The following DROSHA variants were observed in gnomAD, a reference collection of about 807,000 sequenced individuals.
The protein encoded by DROSHA is ribonuclease 3.
In DROSHA, 56 loss-of-function variants were observed where a neutral mutation model predicts 181.9. The observed-to-expected ratio is 0.31, with a 90% CI of 0.25 to 0.38. The LOEUF (loss-of-function observed/expected upper bound fraction) is 0.38, where lower values mean the gene tolerates loss of function less well. DROSHA is among the 10% of genes least tolerant of loss of function. DROSHA has a pLI of 1.00. For missense variants in DROSHA, 1,218 were observed against 1,743.5 expected, an observed-to-expected ratio of 0.70 and a Z score of 5.37; for synonymous variants, 524 against 591.2, an observed-to-expected ratio of 0.89 and a Z score of 1.65.
At chr5:31,426,537 G>C (rs142749048) in intron 27 of DROSHA, among the ~76,000 whole-genome samples, 99 of 152,252 alleles carry the variant, frequency 6.5e-4, no homozygotes, top group Non-Finnish European at 1.2e-3. Flanking sequence ...CTTCAAAGAG[G>C]AGATGATTCT....
chr5:31,498,531 G>A (rs1753244601), intron 11 of DROSHA, among the ~76,000 whole-genome samples: 1 of 152,190 alleles, frequency 6.6e-6, no homozygotes, highest in South Asian at 2.1e-4. Context: ...AAGCATGAGA[G>A]GTGGTGGAAC....
chr5:31,421,331 G>C lies in DROSHA; in HGVS notation c.3466C>G (p.Leu1156Val). 1 of 1,613,702 alleles carries C rather than the reference G, an allele frequency of 6.2e-7. No homozygotes were observed. The highest frequency in any genetic ancestry group is 1.1e-5 in the South Asian group (1 of 91,074). The change falls in exon 30 of 36, where the codon CTG (leucine) becomes GTG (valine). Residue 1156 changes from leucine (L) to valine (V), a missense_variant. By Grantham distance (32) the Leu-to-Val change is conservative. This residue lies in a region of DROSHA where 23 missense variants were observed against 90.6 expected (regional missense o/e 0.25). Transcript: ENST00000344624. ...ATGAATAAGTACTCTGTGGCTACCA[G>C]TTGCATTATGGAGTCACCTAGGAAT... ...MEFLGDSIMQ[L>V]VATEYLFIHF... is the part of the protein sequence containing the mutation.
rs1739076292 is a variant in DROSHA at position 31,514,629 on chromosome 5, A to G, written c.1290+359T>C. ...CACTGCACTCCAGCCTGGGTGACAG[A>G]GCGAGACCCTGTCTCAAAAATAAAT... On this transcript the variant is annotated intron_variant, in intron 8 of 35. Coordinates refer to ENST00000344624, the MANE Select transcript of DROSHA (RefSeq NM_001382508.1). The surrounding 1 kb of genome is among the most constrained non-coding windows in gnomAD (Gnocchi z 4.4). Among the ~76,000 whole-genome samples the G allele has an allele frequency of 6.6e-6, 1 of 152,202 alleles. No homozygotes were observed. The highest frequency in any genetic ancestry group is 1.5e-5 in the Non-Finnish European group (1 of 68,038).
chr5:31,480,156 C>A (rs1229510980), intron 16 of DROSHA, among the ~76,000 whole-genome samples: 1 of 93,226 alleles, frequency 1.1e-5, no homozygotes, highest in Non-Finnish European at 2.6e-5. Context: ...GTCTTTTGCC[C>A]GTTTTTCTAT....
intron 9 of DROSHA, among the ~76,000 whole-genome samples, chr5:31,509,130 TG>T (rs762667310): frequency 1.4e-4 from 22 of 152,104 alleles, no homozygotes; most frequent in Non-Finnish European, 2.4e-4. Context: ...GCTGACAAAC[TG>T]GTTTTTGTGG....
intron 5 of DROSHA, among the ~76,000 whole-genome samples, chr5:31,525,090 G>C (rs1440874267): frequency 6.6e-6 from 1 of 151,994 alleles, no homozygotes; most frequent in Non-Finnish European, 1.5e-5. Context: ...CAGCACTTTG[G>C]GAGGCCGAGG....
In DROSHA at chr5:31,526,920, G is replaced by A; in HGVS notation, c.21-8C>T. On this transcript the variant is annotated splice_region_variant and splice_polypyrimidine_tract_variant and intron_variant, in intron 4 of 35. Transcript: ENST00000344624. ...TGGAACGACATTCTGTGACTTCATG[G>A]CAGAAAAGAAAAAGGGAAAAGTTTT... 2 of 1,603,792 alleles carry A rather than the reference G, an allele frequency of 1.2e-6. No individual in the cohort carries two copies. Among genetic ancestry groups the A allele is most frequent in the Non-Finnish European group, 1.7e-6 (2 of 1,177,204 alleles).
chr5:31,435,803 C>T lies in DROSHA; in HGVS notation c.3004G>A (p.Ala1002Thr). 1 of 1,613,804 alleles carries T rather than the reference C, an allele frequency of 6.2e-7. No individual in the cohort carries two copies. Among genetic ancestry groups the T allele is most frequent in the Non-Finnish European group, 8.5e-7 (1 of 1,179,812 alleles). Reference protein sequence around the residue: ...EEGGLATYRTAIVQNQHLAML... With the variant: ...EEGGLATYRTTIVQNQHLAML... The stretch of plus-strand genomic sequence containing the variant: ...GCAAGGTGCTGATTCTGAACAATGG[C>T]AGTCCGATAGGTTGCTAATCCTCCT... Residue 1002 changes from alanine to threonine, a missense_variant, in exon 25 of 36, where the codon GCC becomes ACC. Transcript: ENST00000344624.
chr5:31,511,013 C>T, intron 9 of DROSHA, 22 bp downstream of exon 9: 1 of 1,613,302 alleles, frequency 6.2e-7, no homozygotes. Flanking sequence ...GGGTCTCAGG[C>T]TAGTTAGTGA....
In DROSHA at chr5:31,451,418, T is replaced by G. The variant is rs953510441; in HGVS notation, c.2682+115A>C. Reference sequence around the variant, plus strand: ...GGTAGAGCAATGGAGAGAACTATGTTTCTAACAATCCTTGTCACATCCCAG... The same window carrying G: ...GGTAGAGCAATGGAGAGAACTATGTGTCTAACAATCCTTGTCACATCCCAG... On this transcript the variant is annotated intron_variant, in intron 21 of 35. Coordinates refer to ENST00000344624, the MANE Select transcript of DROSHA (RefSeq NM_001382508.1). The G allele has an allele frequency of 2.9e-5, 25 of 875,404 alleles. No homozygotes were observed. The African/African-American group carries it at 4.0e-4, about 14-fold the overall frequency. 54.2% of individuals were successfully genotyped at this position (875,404 alleles called of 1,614,324 possible). A position where few individuals can be genotyped will look rare whatever the true frequency, so the allele number is the denominator to read the frequency against.
rs574513617 is a variant in DROSHA, at chr5:31,411,751, C to T, written c.3526-864G>A. ...AAGCTATCCTCCCACCTCAGCCTCC[C>T]GAGTAGCTGTGACTATAGGCACCTG... On this transcript the variant is annotated intron_variant, in intron 30 of 35. Transcript: ENST00000344624. The surrounding 1 kb of genome is among the most constrained non-coding windows in gnomAD (Gnocchi z 4.2). Among the ~76,000 whole-genome samples, 174 of 152,146 alleles carry T rather than the reference C, an allele frequency of 1.1e-3. No homozygotes were observed. Among genetic ancestry groups the T allele is most frequent in the African/African-American group, 3.8e-3 (159 of 41,520 alleles).
At chr5:31,510,693 G>A (rs1395051756) in intron 9 of DROSHA, among the ~76,000 whole-genome samples, 2 of 152,194 alleles carry the variant, frequency 1.3e-5, no homozygotes, top group Admixed American at 6.5e-5. Flanking sequence ...CCTGGCAAAG[G>A]AGAGGGCCAA....
At chr5:31,505,907 T>C (rs1055851648) in intron 10 of DROSHA, 1 of 151,996 alleles carries the variant, frequency 6.6e-6, no homozygotes, top group African/African-American at 2.4e-5. Context: ...AAAAAAAAAG[T>C]ATTAAAGTAA....
chr5:31,471,264 C>G (rs4257787), intron 17 of DROSHA, among the ~76,000 whole-genome samples: 14,384 of 152,098 alleles, frequency 0.095, 1,258 homozygotes, highest in East Asian at 0.22. Flanking sequence ...TGGAAAACAA[C>G]AGCTTTGTTA....
chr5:31,493,361 T>G (rs915611484), intron 12 of DROSHA, 68 bp from the exon 13 acceptor site: 30 of 1,411,828 alleles, frequency 2.1e-5, no homozygotes, highest in African/African-American at 7.2e-5. Context: ...CAGAAATCCA[T>G]CAGGACAGAA....
chr5:31,511,321 AT>A lies in DROSHA; in HGVS notation c.1291-146del, dbSNP rs1000864859. 4 of 771,426 alleles carry A rather than the reference AT, an allele frequency of 5.2e-6. No homozygotes were observed. The African/African-American group carries it at 7.0e-5, about 14-fold the overall frequency. The allele number at this position is 771,426 out of a possible 1,614,324, so 47.8% of individuals were successfully genotyped here. A position where few individuals can be genotyped will look rare whatever the true frequency, so the allele number is the denominator to read the frequency against. On this transcript the variant is annotated intron_variant, in intron 8 of 35. Transcript: ENST00000344624. ...AATTTAACAAACATTTAAAAACAAA[AT>A]GCTCAAGTACTGGCAATCATACTCT...
At chr5:31,511,967 C>A (rs1215095696) in intron 8 of DROSHA, among the ~76,000 whole-genome samples, 1 of 151,194 alleles carries the variant, frequency 6.6e-6, no homozygotes, top group South Asian at 2.1e-4. Flanking sequence ...GCCTTAAACA[C>A]GAGGACATAA....
intron 3 of DROSHA, among the ~76,000 whole-genome samples, chr5:31,530,312 C>T (rs1741121805): frequency 6.6e-6 from 1 of 151,990 alleles, no homozygotes; most frequent in Admixed American, 6.5e-5. Flanking sequence ...CAGTCCAGTA[C>T]CCTCATGATA....
chr5:31,443,667 A>T (rs1745922160), intron 23 of DROSHA, among the ~76,000 whole-genome samples: 1 of 152,208 alleles, frequency 6.6e-6, no homozygotes, highest in Admixed American at 6.5e-5. Context: ...ATGGGCAGCC[A>T]GGCTATCAAG....
Sources: allele counts gnomAD v4.1 joint callset (sites outside exome capture counted in the v4.1 genomes callset), GRCh38; gene constraint gnomAD v4.1.1; regional missense constraint gnomAD v4.1.1; non-coding constraint Gnocchi (gnomAD v3.1); transcripts MANE v1.5; gene names NCBI Gene and HGNC (gene_info 2026-07-23, HGNC 2026-07-21).